Variants in TTC6 observed in about 807,000 individuals in gnomAD.
TTC6 encodes the protein tetratricopeptide repeat protein 6.
In TTC6, 172 loss-of-function variants were observed where a neutral mutation model predicts 210.4. The ratio of observed to expected loss-of-function variants is 0.82; its 90% confidence interval spans 0.72 to 0.93. TTC6 has a LOEUF of 0.93. Among genes scored for constraint, TTC6 ranks in the 40% least tolerant of loss-of-function variants. TTC6 has a pLI of 0.00. For synonymous variants in TTC6, 804 were observed against 819.6 expected (o/e 0.98, Z 0.32); for missense variants, 2,414 against 2,318.1 (o/e 1.04, Z -0.85).
At chr14:37,770,832 T>G (rs1313714955) in intron 14 of TTC6, among the ~76,000 whole-genome samples, 1 of 150,614 alleles carries the variant, frequency 6.6e-6, no homozygotes, top group Admixed American at 6.7e-5. Context: ...ATGTGTGAAT[T>G]TGATCCTGTC....
intron 1 of TTC6, among the ~76,000 whole-genome samples, chr14:37,657,096 C>CA (rs2095725275): frequency 6.6e-6 from 1 of 151,406 alleles, no homozygotes; most frequent in Non-Finnish European, 1.5e-5. Context: ...CCGGTAGCCC[C>CA]AGCTACTCGG....
At chr14:37,733,568 T>C (rs2095893660) in intron 7 of TTC6, among the ~76,000 whole-genome samples, 1 of 152,230 alleles carries the variant, frequency 6.6e-6, no homozygotes, top group South Asian at 2.1e-4. Context: ...TTATTGCTGT[T>C]GAGAAGTAAG....
chr14:37,622,435 G>C, exon 1 of TTC6: 1 of 1,535,084 alleles, frequency 6.5e-7, no homozygotes, highest in Non-Finnish European at 8.7e-7. Flanking sequence ...TACTTGCGGA[G>C]CTCCGCGTTC....
chr14:37,729,200 T>A (rs2095879820), intron 7 of TTC6, among the ~76,000 whole-genome samples: 1 of 152,256 alleles, frequency 6.6e-6, no homozygotes, highest in African/African-American at 2.4e-5. Flanking sequence ...TAATGCAGTC[T>A]AACCTTTTCA....
intron 29 of TTC6, among the ~76,000 whole-genome samples, chr14:37,830,085 A>G (rs752796015): frequency 3.9e-5 from 6 of 151,968 alleles, no homozygotes; most frequent in Non-Finnish European, 8.8e-5. Flanking sequence ...TTGCATGTTG[A>G]TAGCTGTTTG....
chr14:37,791,440 G>A (rs2096079084), intron 16 of TTC6, among the ~76,000 whole-genome samples: 1 of 152,140 alleles, frequency 6.6e-6, no homozygotes, highest in Non-Finnish European at 1.5e-5. Flanking sequence ...TTTATGAAAA[G>A]GGAAGGTGTC....
chr14:37,626,647 G>A (rs2139319154), intron 1 of TTC6, among the ~76,000 whole-genome samples: 1 of 152,280 alleles, frequency 6.6e-6, no homozygotes, highest in East Asian at 1.9e-4. Flanking sequence ...GAATGAACTG[G>A]TGGTGAATTC....
chr14:37,784,357 T>A (rs1187824448), intron 14 of TTC6, among the ~76,000 whole-genome samples: 1 of 152,222 alleles, frequency 6.6e-6, no homozygotes, highest in Non-Finnish European at 1.5e-5. Flanking sequence ...GTTGAATTGA[T>A]CCGTTTACCA....
chr14:37,719,047 CT>C (rs1389969505), intron 6 of TTC6, among the ~76,000 whole-genome samples: 1 of 152,104 alleles, frequency 6.6e-6, no homozygotes, highest in Admixed American at 6.5e-5. Flanking sequence ...CATTATATTT[CT>C]GTGTGTCTAC....
chr14:37,748,591 A>ATT (rs34441786), intron 10 of TTC6, among the ~76,000 whole-genome samples: 20 of 151,914 alleles, frequency 1.3e-4, no homozygotes, highest in Non-Finnish European at 1.8e-4. Context: ...CTTGCATGGC[A>ATT]TTTTTTTCTC....
intron 14 of TTC6, among the ~76,000 whole-genome samples, chr14:37,786,065 C>T (rs182256325): frequency 2.0e-3 from 309 of 152,286 alleles, no homozygotes; most frequent in Non-Finnish European, 2.8e-3. Flanking sequence ...TTAGGCTACT[C>T]GGGGGTCAGG....
exon 15 of TTC6, chr14:37,787,625 T>C: frequency 1.4e-6 from 2 of 1,474,334 alleles, no homozygotes; most frequent in Non-Finnish European, 1.8e-6. Flanking sequence ...GCTACAGGAT[T>C]ATAGTGTTTC....
chr14:37,842,408 T>A, exon 31 of TTC6: 2 of 893,106 alleles, frequency 2.2e-6, no homozygotes, highest in Non-Finnish European at 3.1e-6. Context: ...TGCTTAGTCT[T>A]CCATATAACC....
At chr14:37,615,139 C>T (rs1595012020) in intron 2 of TTC6, among the ~76,000 whole-genome samples, 1 of 152,284 alleles carries the variant, frequency 6.6e-6, no homozygotes, top group Middle Eastern at 3.4e-3. Context: ...AGTCCATGGT[C>T]TTTGAATTAT....
At chr14:37,772,484 A>T (rs2096022715) in intron 14 of TTC6, 1 of 153,980 alleles carries the variant, frequency 6.5e-6, no homozygotes, top group Non-Finnish European at 1.4e-5. Context: ...CCTCCGAGCC[A>T]CGTGTGGGAT....
intron 7 of TTC6, among the ~76,000 whole-genome samples, chr14:37,734,649 C>G (rs542828047): frequency 1.3e-5 from 2 of 152,064 alleles, no homozygotes; most frequent in Non-Finnish European, 2.9e-5. Context: ...TGTTTGCATC[C>G]CAGCTTTTAT....
intron 1 of TTC6, among the ~76,000 whole-genome samples, chr14:37,634,841 A>G (rs1182507612): frequency 3.9e-5 from 6 of 152,242 alleles, no homozygotes; most frequent in Non-Finnish European, 8.8e-5. Context: ...ATGCTGAAAG[A>G]AAAGAACTAC....
chr14:37,599,125 T>G (rs2139205188), intron 1 of TTC6, among the ~76,000 whole-genome samples: 1 of 152,186 alleles, frequency 6.6e-6, no homozygotes, highest in African/African-American at 2.4e-5. Flanking sequence ...CCTTCGCAGG[T>G]GGATGTGTGC....
In TTC6 at chr14:37,598,418, G is replaced by A. The variant is rs1211527629; in HGVS notation, c.-235+2410G>A. On this transcript the variant is annotated intron_variant, in intron 1 of 2. Transcript: ENST00000556845. The surrounding 1 kb of genome is among the most constrained non-coding windows in gnomAD (Gnocchi z 4.9). ...GGACTGTAGGGTGCGCGGGTACTCC[G>A]GGTAGCCGCCAGCGGAGGAAGCGGC... Among the ~76,000 whole-genome samples the A allele has an allele frequency of 6.6e-6, 1 of 152,228 alleles. No homozygotes were observed. Among genetic ancestry groups the A allele is most frequent in the Non-Finnish European group, 1.5e-5 (1 of 68,042 alleles).
Sources: gnomAD v4.1 joint callset for allele counts (sites outside exome capture counted in the v4.1 genomes callset) on GRCh38, gnomAD v4.1.1 for gene constraint, Gnocchi (gnomAD v3.1) non-coding constraint, MANE v1.5 for transcripts, NCBI Gene and HGNC (gene_info 2026-07-23, HGNC 2026-07-21) for gene names.